Variants in FAM222A observed in about 807,000 individuals in gnomAD.
FAM222A encodes protein FAM222A.
Under a neutral mutation model 25.8 loss-of-function variants are expected in FAM222A, and 7 were observed. The ratio of observed to expected loss-of-function variants is 0.27; its 90% CI spans 0.15 to 0.51. The LOEUF is 0.51. FAM222A is among the 20% of genes least tolerant of loss of function. The pLI is 0.97. For missense variants in FAM222A, 573 were observed against 640.5 expected (o/e 0.89, Z 1.14); for synonymous variants, 294 against 298.8 (o/e 0.98, Z 0.17).
At chr12:109,725,955 C>T (rs1041062819) in intron 1 of FAM222A, among the ~76,000 whole-genome samples, 6 of 151,802 alleles carry the variant, frequency 4.0e-5, no homozygotes, top group South Asian at 2.1e-4. Context: ...TTCATTTGGC[C>T]GCCCTGAGCT....
chr12:109,737,162 A>G (rs1888108525), intron 1 of FAM222A, among the ~76,000 whole-genome samples: 1 of 152,044 alleles, frequency 6.6e-6, no homozygotes, highest in South Asian at 2.1e-4. Flanking sequence ...AGAGAGCCAG[A>G]AAGGGCTTTT....
Position 109,730,974 on chromosome 12 carries a change from C to T in FAM222A, c.-46-13127C>T, listed in dbSNP as rs373770510. ...CGAGTGCTACACTGCATGTGTTCATCACCGGCTTCATCCTCACAACCGGCT... is the reference window on the plus strand; with the variant it reads ...CGAGTGCTACACTGCATGTGTTCATTACCGGCTTCATCCTCACAACCGGCT... On this transcript the variant is annotated intron_variant, in intron 1 of 2. Coordinates refer to ENST00000538780, the MANE Select transcript of FAM222A (RefSeq NM_032829.3). Among the ~76,000 whole-genome samples, 7 of 152,272 alleles carry T rather than the reference C, an allele frequency of 4.6e-5. No individual in the cohort carries two copies. The East Asian group carries it at 9.6e-4, about 21-fold the overall frequency.
chr12:109,769,230 C>T lies in FAM222A; in HGVS notation c.1301C>T (p.Ala434Val), dbSNP rs1889169244. The T allele has an allele frequency of 1.9e-6, 3 of 1,611,562 alleles. No homozygotes were observed. The South Asian group carries it at 3.3e-5, about 18-fold the overall frequency. The change falls in exon 3 of 3, where the codon GCC (alanine) becomes GTC (valine). Residue 434 changes from alanine to valine, a missense_variant. Physicochemically the swap from Ala to Val is moderately conservative, Grantham distance 64. Around this residue, in one of 3 missense-constraint regions of FAM222A, gnomAD observed 49 missense variants for 78.9 expected, o/e 0.62. Transcript: ENST00000538780. ...CTGGGCAAGGGCTATGAGACGGTGG[C>T]CGTGCCCCGGCTACTCGACCACCAG... ...QMLGKGYETV[A>V]VPRLLDHQHA...
intron 1 of FAM222A, among the ~76,000 whole-genome samples, chr12:109,732,615 G>C (rs936143487): frequency 6.6e-6 from 1 of 152,228 alleles, no homozygotes; most frequent in Non-Finnish European, 1.5e-5. Context: ...TGTCACAGCC[G>C]TTTTTCTGCG....
chr12:109,720,381 G>A (rs1887725908), intron 1 of FAM222A, among the ~76,000 whole-genome samples: 1 of 152,256 alleles, frequency 6.6e-6, no homozygotes, highest in Admixed American at 6.5e-5. Flanking sequence ...CCAGCTGTCT[G>A]CTCCAGGATT....
rs764282437 is a variant in FAM222A at position 109,767,975 on chromosome 12, C to T, written c.83-37C>T. ...CCCTGTGGGGAGAGGTTGGCATGGC[C>T]TCCTGATGGGCCCTCACACCTGCTT... On this transcript the variant is annotated intron_variant, in intron 2 of 2. Coordinates refer to ENST00000538780, the MANE Select transcript of FAM222A (RefSeq NM_032829.3). 5.7e-6 allele frequency: 9 copies of T among 1,592,298 alleles called. No individual in the cohort carries two copies. The African/African-American group carries it at 6.7e-5, about 12-fold the overall frequency.
rs899641659 is a variant in FAM222A, at chr12:109,768,009, C to G, written c.83-3C>G. On this transcript the variant is annotated splice_polypyrimidine_tract_variant and splice_region_variant and intron_variant, in intron 2 of 2. Transcript: ENST00000538780. ...GGCCCTCACACCTGCTTTCCTCCCACAGGCGAGGCGGTGGCCAGCGCCATG... is the reference window on the plus strand; with the variant it reads ...GGCCCTCACACCTGCTTTCCTCCCAGAGGCGAGGCGGTGGCCAGCGCCATG... 29 of 1,609,858 alleles carry G rather than the reference C, an allele frequency of 1.8e-5. No homozygotes were observed. Among genetic ancestry groups the G allele is most frequent in the Non-Finnish European group, 2.5e-5 (29 of 1,177,392 alleles).
intron 2 of FAM222A, among the ~76,000 whole-genome samples, chr12:109,765,658 C>G (rs1021613628): frequency 2.2e-4 from 34 of 152,344 alleles, no homozygotes; most frequent in African/African-American, 7.2e-4. Flanking sequence ...CTCTCCATCC[C>G]ATTTCACTTG....
At chr12:109,763,722 A>G (rs755209847) in intron 2 of FAM222A, among the ~76,000 whole-genome samples, 3 of 152,204 alleles carry the variant, frequency 2.0e-5, no homozygotes, top group Admixed American at 6.5e-5. Flanking sequence ...GTATCATACT[A>G]GTTATACAGG....
chr12:109,720,686 G>C (rs930239086), intron 1 of FAM222A, among the ~76,000 whole-genome samples: 5 of 152,262 alleles, frequency 3.3e-5, no homozygotes, highest in Admixed American at 1.3e-4. Context: ...CTCCAGGCCA[G>C]GCTCCCTGCC....
chr12:109,745,422 G>A (rs1373621328), intron 2 of FAM222A, among the ~76,000 whole-genome samples: 1 of 152,212 alleles, frequency 6.6e-6, no homozygotes, highest in East Asian at 1.9e-4. Flanking sequence ...AACCCTGGAT[G>A]TGTCACGAGG....
At chr12:109,727,266 G>A (rs1646173831) in intron 1 of FAM222A, among the ~76,000 whole-genome samples, 1 of 152,120 alleles carries the variant, frequency 6.6e-6, no homozygotes, top group South Asian at 2.1e-4. Context: ...CAGCCTGGCC[G>A]GCCAGGGACA....
intron 1 of FAM222A, among the ~76,000 whole-genome samples, chr12:109,743,408 C>G (rs1010944889): frequency 1.3e-5 from 2 of 152,216 alleles, no homozygotes; most frequent in Non-Finnish European, 2.9e-5. Flanking sequence ...GAGCTGCTGC[C>G]CTGCGGGGCA....
chr12:109,732,620 T>C lies in FAM222A; in HGVS notation c.-46-11481T>C, dbSNP rs143453644. On this transcript the variant is annotated intron_variant, in intron 1 of 2. Transcript: ENST00000538780. ...GGCTTTGTGCTGTCACAGCCGTTTT[T>C]CTGCGCTGGGCTGATTTTGAAAGGA... is the stretch of plus-strand genomic sequence containing the variant. Among the ~76,000 whole-genome samples, 200 of 152,400 alleles carry C rather than the reference T, an allele frequency of 1.3e-3. 4 individuals carry two copies. Among genetic ancestry groups the C allele is most frequent in the Non-Finnish European group, 1.5e-3 (100 of 68,036 alleles).
chr12:109,723,002 T>TGG (rs141202990), intron 1 of FAM222A, among the ~76,000 whole-genome samples: 2,054 of 61,748 alleles, frequency 0.033, 38 homozygotes, highest in South Asian at 0.07. Context: ...AGGGAGCGGG[T>TGG]GGGGGGGGGA....
intron 1 of FAM222A, among the ~76,000 whole-genome samples, chr12:109,739,750 A>G (rs369543908): frequency 6.6e-6 from 1 of 152,196 alleles, no homozygotes; most frequent in Non-Finnish European, 1.5e-5. Context: ...GAGCTGCTGT[A>G]CAGTGTGGGG....
At chr12:109,720,825 G>A (rs2136317169) in intron 1 of FAM222A, among the ~76,000 whole-genome samples, 1 of 152,324 alleles carries the variant, frequency 6.6e-6, no homozygotes, top group South Asian at 2.1e-4. Flanking sequence ...TTGCCACAAT[G>A]GAGGAATTCA....
intron 2 of FAM222A, among the ~76,000 whole-genome samples, chr12:109,754,915 C>T (rs1888674660): frequency 6.6e-6 from 1 of 152,174 alleles, no homozygotes; most frequent in African/African-American, 2.4e-5. Context: ...AAGTGATCCT[C>T]CTGCCTCAGC....
rs559978000 is a variant in FAM222A, at chr12:109,769,438, T to C, written c.*150T>C. ...AGCCAGGCTGGCTGCCGCCTCGCTG[T>C]GGCCGGATGGAGGGTGGCAGGGCAA... On this transcript the variant is annotated 3_prime_UTR_variant, in exon 3 of 3. Transcript: ENST00000538780. 2.1e-4 allele frequency: 211 copies of C among 1,007,218 alleles called. 1 individual carries two copies. The highest frequency in any genetic ancestry group is 5.6e-4 in the South Asian group (33 of 58,488). 62.4% of individuals were successfully genotyped at this position (1,007,218 alleles called of 1,614,324 possible). A position where few individuals can be genotyped will look rare whatever the true frequency, so the allele number is the denominator to read the frequency against.
Sources: gnomAD v4.1 joint callset for allele counts (sites outside exome capture counted in the v4.1 genomes callset) on GRCh38, gnomAD v4.1.1 for gene constraint, gnomAD v4.1.1 regional missense constraint, MANE v1.5 for transcripts, NCBI Gene and HGNC (gene_info 2026-07-23, HGNC 2026-07-21) for gene names.